Variants in CNTN5 observed in about 807,000 individuals in gnomAD.
CNTN5 encodes contactin-5.
CNTN5 carries 77 observed loss-of-function variants against 129.1 expected under a neutral mutation model. That is an observed-to-expected ratio of 0.60 (90% CI 0.50 to 0.72). The LOEUF is 0.72. Ranked by LOEUF, CNTN5 falls within the 30% of genes least tolerant of loss-of-function variation. The pLI is 0.00. For synonymous variants in CNTN5, 509 were observed against 465.6 expected (o/e 1.09, Z -1.20); for missense variants, 1,478 against 1,328.8 (o/e 1.11, Z -1.75).
chr11:100,286,292 C>T (rs1179054213), intron 18 of CNTN5, among the ~76,000 whole-genome samples: 1 of 152,202 alleles, frequency 6.6e-6, no homozygotes, highest in Non-Finnish European at 1.5e-5. Context: ...TAGGCTCCAC[C>T]TCTGGGGGCA....
intron 13 of CNTN5, among the ~76,000 whole-genome samples, chr11:100,082,181 T>G (rs1218841914): frequency 6.6e-6 from 1 of 152,202 alleles, no homozygotes; most frequent in Admixed American, 6.6e-5. Context: ...AGCAAAAAGC[T>G]GAAAGCATTC....
At chr11:100,133,514 C>G (rs1053790755) in intron 13 of CNTN5, among the ~76,000 whole-genome samples, 16 of 152,186 alleles carry the variant, frequency 1.1e-4, no homozygotes, top group Non-Finnish European at 2.4e-4. Flanking sequence ...AGCAACACAG[C>G]TACAAAGAAA....
chr11:100,037,473 C>T (rs1237630853), intron 9 of CNTN5, among the ~76,000 whole-genome samples: 1 of 152,024 alleles, frequency 6.6e-6, no homozygotes, highest in Non-Finnish European at 1.5e-5. Context: ...CAGGATGATG[C>T]TGGCCTCATA....
At chr11:99,147,695 G>GATATATAA in intron 1 of CNTN5, among the ~76,000 whole-genome samples, 1 of 152,084 alleles carries the variant, frequency 6.6e-6, no homozygotes, top group South Asian at 2.1e-4. Context: ...TTATTAAAGG[G>GATATATAA]ACATTATAAT....
intron 3 of CNTN5, 70 bp from the exon 4 acceptor site, chr11:99,819,474 C>T: frequency 7.3e-7 from 1 of 1,367,736 alleles, no homozygotes; most frequent in Non-Finnish European, 1.0e-6. Flanking sequence ...TTCAAAGAAA[C>T]AATCTTCATA....
At chr11:100,240,014 C>G (rs1231279071) in intron 16 of CNTN5, among the ~76,000 whole-genome samples, 3 of 152,170 alleles carry the variant, frequency 2.0e-5, no homozygotes, top group Non-Finnish European at 4.4e-5. Flanking sequence ...AATACTTAAT[C>G]ACTGTTGCAA....
At chr11:100,195,511 G>T (rs1422624046) in intron 15 of CNTN5, among the ~76,000 whole-genome samples, 2 of 151,802 alleles carry the variant, frequency 1.3e-5, no homozygotes, top group Non-Finnish European at 2.9e-5. Context: ...GTGCCAAATG[G>T]ACTCCTTATT....
intron 9 of CNTN5, among the ~76,000 whole-genome samples, chr11:100,053,683 C>T (rs1943079278): frequency 6.6e-6 from 1 of 151,068 alleles, no homozygotes; most frequent in South Asian, 2.1e-4. Flanking sequence ...TACAGTTGAA[C>T]ATTTACTTAC....
chr11:99,919,948 T>G (rs535166935), intron 7 of CNTN5, among the ~76,000 whole-genome samples: 29 of 152,016 alleles, frequency 1.9e-4, no homozygotes, highest in Non-Finnish European at 3.5e-4. Flanking sequence ...AGCCACTGGG[T>G]CCAGCCAGAA....
chr11:99,650,250 T>C (rs796363040), intron 3 of CNTN5, among the ~76,000 whole-genome samples: 1 of 152,058 alleles, frequency 6.6e-6, no homozygotes, highest in African/African-American at 2.4e-5. Flanking sequence ...TCAAGTAGGC[T>C]ACTCATGTTC....
At chr11:99,413,333 G>A (rs931027702) in intron 2 of CNTN5, among the ~76,000 whole-genome samples, 1 of 152,102 alleles carries the variant, frequency 6.6e-6, no homozygotes, top group Non-Finnish European at 1.5e-5. Context: ...AAAGAATTCA[G>A]CAGGGCTGGG....
At chr11:99,638,364 A>G (rs955766967) in intron 3 of CNTN5, among the ~76,000 whole-genome samples, 1 of 152,118 alleles carries the variant, frequency 6.6e-6, no homozygotes, top group African/African-American at 2.4e-5. Flanking sequence ...ATGGGGACAC[A>G]GCCAAACCAT....
chr11:99,815,502 C>A (rs7119798), intron 3 of CNTN5, among the ~76,000 whole-genome samples: 49 of 152,052 alleles, frequency 3.2e-4, no homozygotes, highest in Non-Finnish European at 6.5e-4. Context: ...TAAGACCATA[C>A]GACTGATGAA....
intron 16 of CNTN5, among the ~76,000 whole-genome samples, chr11:100,232,370 A>C (rs1949508373): frequency 6.6e-6 from 1 of 152,156 alleles, no homozygotes; most frequent in Non-Finnish European, 1.5e-5. Context: ...AAAATGGACA[A>C]CAGTGTCAAA....
intron 21 of CNTN5, among the ~76,000 whole-genome samples, chr11:100,333,634 T>C (rs1951958609): frequency 6.6e-6 from 1 of 151,972 alleles, no homozygotes; most frequent in Admixed American, 6.6e-5. Context: ...TAAAGCCAAA[T>C]ACTTACAGCC....
At chr11:99,701,649 T>G (rs2134873283) in intron 3 of CNTN5, among the ~76,000 whole-genome samples, 1 of 151,270 alleles carries the variant, frequency 6.6e-6, no homozygotes, top group African/African-American at 2.4e-5. Context: ...TTTAAAATAT[T>G]ATCTCCAATA....
In CNTN5 at chr11:99,432,464, C is replaced by CCTTTTCTTTTCTTTTCTTTTCTTTT. The variant is rs57219988; in HGVS notation, c.-71+106990_-71+107014dup. ...CCTTTTCTTTTCTTTTCTTTTCTTT[C>CCTTTTCTTTTCTTTTCTTTTCTTTT]CTTTTCTTTTCTTTTCTTTTCTTTT... On this transcript the variant is annotated intron_variant, in intron 2 of 24. Coordinates refer to ENST00000524871, the MANE Select transcript of CNTN5 (RefSeq NM_014361.4). Among the ~76,000 whole-genome samples, 102 of 116,404 alleles carry CCTTTTCTTTTCTTTTCTTTTCTTTT rather than the reference C, an allele frequency of 8.8e-4. 1 individual carries two copies. In the East Asian group the frequency reaches 0.011, roughly 12 times the overall value. The allele number at this position is 116,404 out of a possible 152,430, so 76.4% of individuals were successfully genotyped here.
At chr11:100,290,956 C>G (rs1024800790) in intron 18 of CNTN5, among the ~76,000 whole-genome samples, 3,068 of 151,846 alleles carry the variant, frequency 0.02, 101 homozygotes, top group African/African-American at 0.069. Context: ...AGGACATGAA[C>G]AGACACTTCT....
At chr11:99,360,619 G>GTT (rs1258878000) in intron 2 of CNTN5, among the ~76,000 whole-genome samples, 2 of 152,162 alleles carry the variant, frequency 1.3e-5, no homozygotes, top group Non-Finnish European at 2.9e-5. Flanking sequence ...TTTCGTCATA[G>GTT]TTTTGTTCCC....
Sources: allele counts gnomAD v4.1 joint callset (sites outside exome capture counted in the v4.1 genomes callset), GRCh38; gene constraint gnomAD v4.1.1; transcripts MANE v1.5; gene names NCBI Gene and HGNC (gene_info 2026-07-23, HGNC 2026-07-21).